TNNI3K: variants seen among roughly 807,000 people sequenced by gnomAD.
TNNI3K encodes TNNI3 interacting kinase, also known as serine/threonine-protein kinase TNNI3K.
TNNI3K carries 140 observed loss-of-function variants against 114.5 expected under a neutral mutation model. The observed-to-expected ratio is 1.22, with a 90% confidence interval of 1.07 to 1.41. TNNI3K has a LOEUF of 1.41. TNNI3K is among the 40% of genes most tolerant of loss of function. The pLI is 0.00. For missense variants in TNNI3K, 1,125 were observed against 1,007.6 expected, an observed-to-expected ratio of 1.12 and a Z score of -1.58; for synonymous variants, 347 against 347.5, an observed-to-expected ratio of 1.00 and a Z score of 0.02.
chr1:74,249,600 G>A, intron 3 of TNNI3K, 56 bp downstream of exon 3: 1 of 1,545,964 alleles, frequency 6.5e-7, no homozygotes, highest in South Asian at 1.2e-5. Flanking sequence ...TATCGTCAGT[G>A]ACTTGAGCTG....
chr1:74,417,794 C>T (rs1051219661), intron 17 of TNNI3K, among the ~76,000 whole-genome samples: 18 of 151,212 alleles, frequency 1.2e-4, no homozygotes, highest in African/African-American at 4.1e-4. Flanking sequence ...GTAAATATCT[C>T]AAAATATTAA....
intron 4 of TNNI3K, among the ~76,000 whole-genome samples, chr1:74,259,990 T>A (rs1655567355): frequency 6.6e-6 from 1 of 152,178 alleles, no homozygotes; most frequent in Non-Finnish European, 1.5e-5. Context: ...ATAACTCCAT[T>A]TTTTAGGCCA....
intron 17 of TNNI3K, among the ~76,000 whole-genome samples, chr1:74,412,296 C>T (rs1337059392): frequency 6.6e-6 from 1 of 152,114 alleles, no homozygotes; most frequent in East Asian, 1.9e-4. Context: ...ATCATGCCTC[C>T]TGGTTATCAC....
chr1:74,516,234 G>T (rs1646346431), intron 23 of TNNI3K, among the ~76,000 whole-genome samples: 2 of 152,162 alleles, frequency 1.3e-5, no homozygotes, highest in Non-Finnish European at 2.9e-5. Flanking sequence ...TTTGACTAAT[G>T]TTGAAGACTA....
chr1:74,478,238 CACT>C (rs1262538376), intron 21 of TNNI3K, among the ~76,000 whole-genome samples: 1 of 152,056 alleles, frequency 6.6e-6, no homozygotes, highest in African/African-American at 2.4e-5. Context: ...CTTCTCAAAG[CACT>C]ACAATTTAAC....
At chr1:74,537,584 A>G (rs1646675182) in intron 23 of TNNI3K, among the ~76,000 whole-genome samples, 1 of 152,234 alleles carries the variant, frequency 6.6e-6, no homozygotes, top group African/African-American at 2.4e-5. Flanking sequence ...TTTAACATAC[A>G]TACTTTTATT....
At chr1:74,253,187 A>G (rs1202705337) in intron 4 of TNNI3K, among the ~76,000 whole-genome samples, 2 of 152,224 alleles carry the variant, frequency 1.3e-5, no homozygotes, top group Admixed American at 6.5e-5. Flanking sequence ...AGCTAGATAC[A>G]GAGTGCTGAT....
At chr1:74,250,015 A>G (rs544421254) in intron 3 of TNNI3K, among the ~76,000 whole-genome samples, 49 of 152,334 alleles carry the variant, frequency 3.2e-4, no homozygotes, top group African/African-American at 1.0e-3. Flanking sequence ...TTGTTTATCA[A>G]TGTATCTCAA....
At chr1:74,395,976 TTA>T (rs1170949364) in intron 17 of TNNI3K, among the ~76,000 whole-genome samples, 1 of 152,108 alleles carries the variant, frequency 6.6e-6, no homozygotes, top group Non-Finnish European at 1.5e-5. Flanking sequence ...CTTTAATTCT[TTA>T]TGTGAATAAT....
chr1:74,423,310 G>A (rs916148285), intron 17 of TNNI3K, among the ~76,000 whole-genome samples: 1 of 151,848 alleles, frequency 6.6e-6, no homozygotes, highest in African/African-American at 2.4e-5. Context: ...CTTATAGACT[G>A]CGCTCTTCTA....
intron 17 of TNNI3K, among the ~76,000 whole-genome samples, chr1:74,391,969 T>A (rs965519672): frequency 6.2e-4 from 88 of 141,456 alleles, no homozygotes; most frequent in African/African-American, 1.8e-3. Flanking sequence ...TTTTTTTTTT[T>A]TTTTTTTTTT....
rs1392305088 is a variant in TNNI3K at position 74,519,025 on chromosome 1, C to T, written c.2352-21209C>T. Among the ~76,000 whole-genome samples the T allele has an allele frequency of 1.1e-3, 123 of 110,938 alleles. 8 individuals carry two copies. The highest frequency in any genetic ancestry group is 4.9e-3 in the African/African-American group (108 of 22,152). 72.8% of individuals were successfully genotyped at this position (110,938 alleles called of 152,430 possible). ...TTAGGTATATCTCCCAATGCTATCC[C>T]TTCCCCCTCCCCCGACCCCACCACA... is the stretch of plus-strand genomic sequence containing the variant. On this transcript the variant is annotated intron_variant, in intron 23 of 24. Transcript: ENST00000326637.
chr1:74,328,869 C>G (rs1358801477), intron 5 of TNNI3K, among the ~76,000 whole-genome samples: 1 of 152,046 alleles, frequency 6.6e-6, no homozygotes, highest in Non-Finnish European at 1.5e-5. Context: ...TTCATGCTGT[C>G]TACTTTATGC....
At chr1:74,264,335 C>A (rs1313854180) in intron 4 of TNNI3K, among the ~76,000 whole-genome samples, 1 of 151,890 alleles carries the variant, frequency 6.6e-6, no homozygotes, top group African/African-American at 2.4e-5. Context: ...TGGATACTTT[C>A]ACTGGGGATG....
intron 21 of TNNI3K, chr1:74,480,695 G>A (rs1049737621): frequency 1.7e-5 from 12 of 717,284 alleles, no homozygotes; most frequent in Admixed American, 1.4e-4. Context: ...CCCTCGTAGG[G>A]TGCGGAGAGC....
At chr1:74,373,333 T>C (rs1662711201) in intron 17 of TNNI3K, 1 of 151,954 alleles carries the variant, frequency 6.6e-6, no homozygotes, top group East Asian at 1.9e-4. Flanking sequence ...CATTAATCTT[T>C]TCTCAGGCTT....
intron 17 of TNNI3K, among the ~76,000 whole-genome samples, chr1:74,428,864 G>A (rs369833881): frequency 5.9e-5 from 9 of 152,236 alleles, no homozygotes; most frequent in Middle Eastern, 3.4e-3. Flanking sequence ...GAGCCCAGGA[G>A]TTCGAGGTTA....
intron 7 of TNNI3K, among the ~76,000 whole-genome samples, chr1:74,336,811 A>G (rs1364669137): frequency 6.6e-6 from 1 of 151,762 alleles, no homozygotes; most frequent in African/African-American, 2.4e-5. Context: ...CAATAAACAT[A>G]TGTGTGCATG....
chr1:74,442,996 T>A (rs1217996643), intron 20 of TNNI3K, among the ~76,000 whole-genome samples: 1 of 152,104 alleles, frequency 6.6e-6, no homozygotes, highest in South Asian at 2.1e-4. Flanking sequence ...CCAGAATCTC[T>A]GAGATGCAGC....
Sources: gnomAD v4.1 joint callset for allele counts (sites outside exome capture counted in the v4.1 genomes callset) on GRCh38, gnomAD v4.1.1 for gene constraint, MANE v1.5 for transcripts, NCBI Gene and HGNC (gene_info 2026-07-23, HGNC 2026-07-21) for gene names.